Variants in MAP3K19 observed in about 807,000 individuals in gnomAD.
MAP3K19 encodes the protein SPS1/STE20-related protein kinase YSK4.
MAP3K19 carries 91 observed loss-of-function variants against 114.4 expected under a neutral mutation model. The ratio of observed to expected loss-of-function variants is 0.80; its 90% CI spans 0.67 to 0.95. The LOEUF (loss-of-function observed/expected upper bound fraction) is 0.95. MAP3K19 is among the 40% of genes least tolerant of loss of function. MAP3K19 has a pLI of 0.00. For missense variants in MAP3K19, 1,471 were observed against 1,573.2 expected (o/e 0.94, Z 1.10); for synonymous variants, 518 against 530.5 (o/e 0.98, Z 0.32).
At chr2:134,978,102 TTC>T in intron 12 of MAP3K19, among the ~76,000 whole-genome samples, 1 of 152,294 alleles carries the variant, frequency 6.6e-6, no homozygotes, top group East Asian at 1.9e-4. Flanking sequence ...TGCCATGCAT[TTC>T]TGTTAGCTTC....
chr2:135,024,463 C>T (rs1009220089), intron 4 of MAP3K19, among the ~76,000 whole-genome samples, 163 bp downstream of exon 4: 1 of 152,182 alleles, frequency 6.6e-6, no homozygotes, highest in African/African-American at 2.4e-5. Flanking sequence ...TCTTTGCATC[C>T]CCCAGAGCAC....
intron 5 of MAP3K19, among the ~76,000 whole-genome samples, chr2:135,018,281 CAAAAAAAAAAAA>C (rs781510594): frequency 3.4e-5 from 2 of 58,288 alleles, no homozygotes; most frequent in South Asian, 6.8e-4. Context: ...GCAACAACAG[CAAAAAAAAAAAA>C]AAAAAAAAAA....
chr2:135,028,216 T>C (rs1283973241), intron 3 of MAP3K19, among the ~76,000 whole-genome samples: 1 of 152,140 alleles, frequency 6.6e-6, no homozygotes, highest in African/African-American at 2.4e-5. Flanking sequence ...TAACACACAG[T>C]AGGTGCTCAG....
At chr2:135,019,177 G>A (rs1223142517) in intron 5 of MAP3K19, among the ~76,000 whole-genome samples, 3 of 152,062 alleles carry the variant, frequency 2.0e-5, no homozygotes, top group Non-Finnish European at 2.9e-5. Context: ...ATAAAATTGT[G>A]TCCTGGGCTT....
At chr2:134,969,848 C>A (rs537850663) in intron 12 of MAP3K19, among the ~76,000 whole-genome samples, 50 of 152,238 alleles carry the variant, frequency 3.3e-4, no homozygotes, top group African/African-American at 1.1e-3. Flanking sequence ...TATGAATATG[C>A]ACCATATATT....
Position 134,987,141 on chromosome 2 carries a change from C to T in MAP3K19, c.1731G>A (p.Leu577=). Residue 577 remains leucine, a synonymous_variant, in exon 10 of 13, where the codon TTG becomes TTA. Transcript: ENST00000392915. The part of the protein sequence containing the change: ...TSIKTQIFPA[L]GLVDPRPWQL... ...GCCAAGGCCTGGGGTCCACAAGTCC[C>T]AAAGCCGGGAAAATTTGTGTTTTTA... The T allele has an allele frequency of 6.2e-7, 1 of 1,614,070 alleles. No homozygotes were observed.
intron 12 of MAP3K19, among the ~76,000 whole-genome samples, chr2:134,967,863 T>A (rs1683484496): frequency 6.6e-6 from 1 of 151,942 alleles, no homozygotes; most frequent in Middle Eastern, 3.2e-3. Flanking sequence ...CTTTCTTTTT[T>A]TTTTTTTTAT....
At chr2:134,997,971 A>G (rs1469025043) in intron 8 of MAP3K19, among the ~76,000 whole-genome samples, 2 of 152,136 alleles carry the variant, frequency 1.3e-5, no homozygotes, top group African/African-American at 4.8e-5. Flanking sequence ...TGATAAATCA[A>G]TGAATGTAAC....
intron 2 of MAP3K19, among the ~76,000 whole-genome samples, chr2:135,031,967 C>T (rs564460217): frequency 3.3e-5 from 5 of 152,248 alleles, no homozygotes; most frequent in African/African-American, 1.2e-4. Context: ...ATTTCAAGTG[C>T]TTCTGCATGA....
rs769522540 is a variant in MAP3K19 at position 134,983,783 on chromosome 2, A to G, written c.3115T>C (p.Phe1039Leu). Residue 1039 changes from phenylalanine (F) to leucine (L), a missense_variant, in exon 11 of 13, where the codon TTT becomes CTT. Physicochemically the swap from Phe to Leu is conservative, Grantham distance 22. Coordinates refer to ENST00000392915, the MANE Select transcript of MAP3K19 (RefSeq NM_025052.5). ...GLRIYDREEK[F>L]LISNEKKIFS... ...ATCTTCTTTTCATTTGAGATGAGAAATTTCTCCTCCCTGTCATATATCCTG... is the reference window on the plus strand; with the variant it reads ...ATCTTCTTTTCATTTGAGATGAGAAGTTTCTCCTCCCTGTCATATATCCTG... 1 of 1,605,550 alleles carries G rather than the reference A, an allele frequency of 6.2e-7. No individual in the cohort carries two copies. The highest frequency in any genetic ancestry group is 8.5e-7 in the Non-Finnish European group (1 of 1,176,228).
At chr2:134,979,663 G>A (rs1418491201) in intron 12 of MAP3K19, among the ~76,000 whole-genome samples, 1 of 78,290 alleles carries the variant, frequency 1.3e-5, no homozygotes, top group South Asian at 5.3e-4. Context: ...TTTTTTTTTG[G>A]AGAGGGTGGG....
intron 8 of MAP3K19, among the ~76,000 whole-genome samples, chr2:134,992,964 C>A (rs1000875352): frequency 6.6e-6 from 1 of 152,182 alleles, no homozygotes. Context: ...CAGGTGTGAG[C>A]CACCGCGCCC....
intron 8 of MAP3K19, among the ~76,000 whole-genome samples, chr2:134,994,644 A>C (rs1024450702): frequency 1.3e-5 from 2 of 152,218 alleles, no homozygotes; most frequent in East Asian, 1.9e-4. Context: ...TGTTTGGATT[A>C]TCTCTCTGGG....
intron 12 of MAP3K19, among the ~76,000 whole-genome samples, chr2:134,974,746 G>C (rs1281311176): frequency 6.6e-6 from 1 of 152,042 alleles, no homozygotes; most frequent in African/African-American, 2.4e-5. Flanking sequence ...TTCAAGTCCT[G>C]AGATTCTTTC....
At chr2:134,980,699 C>T in intron 12 of MAP3K19, 122 bp downstream of exon 12, 15 of 829,112 alleles carry the variant, frequency 1.8e-5, no homozygotes, top group Non-Finnish European at 2.6e-5. Flanking sequence ...GGCACAAAAT[C>T]ACTGTCTACT....
chr2:134,985,673 G>T, intron 10 of MAP3K19, 127 bp downstream of exon 10: 1 of 829,560 alleles, frequency 1.2e-6, no homozygotes, highest in Non-Finnish European at 1.8e-6. Flanking sequence ...ATCAAACAGT[G>T]AGACCTTGAA....
Position 134,986,165 on chromosome 2 carries a change from G to A in MAP3K19, c.2707C>T (p.Leu903Phe). ...FDSVSDHSKT[L>F]TNFSFQAKQE... is the part of the protein sequence containing the mutation. ...TTTGCTTGGAAAGAGAAATTTGTAA[G>A]TGTTTTAGAGTGATCTGAAACACTA... The change falls in exon 10 of 13, where the codon CTT becomes TTT. Residue 903 changes from leucine (L) to phenylalanine (F), a missense_variant. By Grantham distance (22) the Leu-to-Phe change is conservative (BLOSUM62 0). Coordinates refer to ENST00000392915, the MANE Select transcript of MAP3K19 (RefSeq NM_025052.5). 6.2e-7 allele frequency: 1 copy of A among 1,613,026 alleles called. No individual in the cohort carries two copies. Among genetic ancestry groups the A allele is most frequent in the East Asian group, 2.2e-5 (1 of 44,876 alleles).
At chr2:135,023,615 G>T in intron 4 of MAP3K19, 1 of 498,650 alleles carries the variant, frequency 2.0e-6, no homozygotes. Flanking sequence ...GGTTGTCTCT[G>T]TGTCTCCGCT....
At chr2:135,000,544 C>T (rs1686365150) in intron 6 of MAP3K19, among the ~76,000 whole-genome samples, 1 of 152,256 alleles carries the variant, frequency 6.6e-6, no homozygotes, top group South Asian at 2.1e-4. Context: ...ACTATTCTAA[C>T]ATTGCCTGTT....
Sources: allele counts gnomAD v4.1 joint callset (sites outside exome capture counted in the v4.1 genomes callset), GRCh38; gene constraint gnomAD v4.1.1; transcripts MANE v1.5; gene names NCBI Gene and HGNC (gene_info 2026-07-23, HGNC 2026-07-21).